SNUPN: variants seen among roughly 807,000 people sequenced by gnomAD.
The protein encoded by SNUPN is snurportin-1.
A neutral mutation model predicts 39.2 loss-of-function variants in SNUPN; 31 were observed. The observed-to-expected ratio is 0.79, with a 90% confidence interval of 0.59 to 1.07. SNUPN has a LOEUF of 1.07. SNUPN is among the 50% of genes least tolerant of loss of function. The probability of loss-of-function intolerance (pLI) is 0.00; values close to 1 mark genes in which losing one functional copy is unlikely to be tolerated. For missense variants in SNUPN, 382 were observed against 434.2 expected, an observed-to-expected ratio of 0.88 and a Z score of 1.07; for synonymous variants, 132 against 159.0, an observed-to-expected ratio of 0.83 and a Z score of 1.28.
At chr15:75,606,854 T>C (rs2075334763) in intron 6 of SNUPN, among the ~76,000 whole-genome samples, 1 of 152,094 alleles carries the variant, frequency 6.6e-6, no homozygotes, top group Admixed American at 6.5e-5. Context: ...CTGGGGCTGC[T>C]GCACAAGGTG....
At chr15:75,601,794 G>A (rs2075289572) in intron 7 of SNUPN, among the ~76,000 whole-genome samples, 1 of 151,982 alleles carries the variant, frequency 6.6e-6, no homozygotes, top group South Asian at 2.1e-4. Flanking sequence ...AAAAAACAAA[G>A]AAGAAAAGTT....
At chr15:75,621,950 C>T (rs1334712976) in intron 1 of SNUPN, among the ~76,000 whole-genome samples, 3 of 152,156 alleles carry the variant, frequency 2.0e-5, no homozygotes, top group Admixed American at 1.3e-4. Flanking sequence ...GCAGAAGAAT[C>T]GCTTGAACCT....
At position 75,605,283 on chromosome 15, in the gene SNUPN, A is replaced by G. The variant is rs953889996; in HGVS notation, c.601-56T>C. ...AATACTTTCCATTTCAAACTCTAAT[A>G]TAAACAAAAACACCCCATGCTATTT... On this transcript the variant is annotated intron_variant, in intron 6 of 8. Coordinates refer to ENST00000308588, the MANE Select transcript of SNUPN (RefSeq NM_005701.4). 6 of 1,282,088 alleles carry G rather than the reference A, an allele frequency of 4.7e-6. No homozygotes were observed. In the Admixed American group the frequency reaches 5.9e-5, roughly 13 times the overall value. The allele number at this position is 1,282,088 out of a possible 1,614,324, so 79.4% of individuals were successfully genotyped here.
At chr15:75,623,606 G>A (rs1422798357) in intron 1 of SNUPN, among the ~76,000 whole-genome samples, 2 of 151,770 alleles carry the variant, frequency 1.3e-5, no homozygotes, top group African/African-American at 2.4e-5. Flanking sequence ...CACCATGCTC[G>A]GCTAATTTTT....
chr15:75,616,319 G>A (rs1457882057), intron 3 of SNUPN, among the ~76,000 whole-genome samples: 1 of 151,936 alleles, frequency 6.6e-6, no homozygotes, highest in Non-Finnish European at 1.5e-5. Context: ...TTAGCCGGGT[G>A]TGGTGGCAGG....
At chr15:75,613,743 C>T (rs1195445531) in intron 3 of SNUPN, among the ~76,000 whole-genome samples, 1 of 151,916 alleles carries the variant, frequency 6.6e-6, no homozygotes, top group Non-Finnish European at 1.5e-5. Context: ...CCACTTCACA[C>T]CCACTAGGAT....
chr15:75,617,276 G>A, intron 3 of SNUPN, 132 bp downstream of exon 3: 1 of 911,966 alleles, frequency 1.1e-6, no homozygotes, highest in Non-Finnish European at 1.7e-6. Context: ...ACACTGGCAT[G>A]TTCTTTGCAG....
rs775591507 is a variant in SNUPN at position 75,617,502 on chromosome 15, C to T, written c.209G>A (p.Trp70Ter). The T allele has an allele frequency of 8.7e-6, 14 of 1,614,056 alleles. No individual in the cohort carries two copies. The highest frequency in any genetic ancestry group is 1.2e-5 in the Non-Finnish European group (14 of 1,179,996). Residue 70 changes from tryptophan to a stop codon, truncating the protein, a stop_gained, in exon 3 of 9, where the codon TGG becomes TAG. Transcript: ENST00000308588. LOFTEE classifies it high-confidence loss of function. ...NHARRLAEDD[W>*]TGMESEEENK... ...TTCTTCCTCACTCTCCATCCCTGTC[C>T]AGTCATCTTCAGCCAGTCTTCTGGC...
At chr15:75,615,259 C>T (rs2141373604) in intron 3 of SNUPN, among the ~76,000 whole-genome samples, 1 of 152,190 alleles carries the variant, frequency 6.6e-6, no homozygotes, top group East Asian at 1.9e-4. Flanking sequence ...CTGGCCTTAG[C>T]CTCCCAAAGT....
chr15:75,612,314 T>C (rs1892804538), intron 3 of SNUPN, among the ~76,000 whole-genome samples: 1 of 152,166 alleles, frequency 6.6e-6, no homozygotes, highest in South Asian at 2.1e-4. Flanking sequence ...ATTACAGGTA[T>C]GAGCCACTGT....
At chr15:75,604,627 A>G (rs1172538738) in intron 7 of SNUPN, among the ~76,000 whole-genome samples, 1 of 152,246 alleles carries the variant, frequency 6.6e-6, no homozygotes, top group East Asian at 1.9e-4. Flanking sequence ...TTTGGTTCTT[A>G]TAACAACCCT....
At chr15:75,617,831 C>CT (rs1892974740) in intron 2 of SNUPN, among the ~76,000 whole-genome samples, 1 of 152,178 alleles carries the variant, frequency 6.6e-6, no homozygotes, top group Non-Finnish European at 1.5e-5. Flanking sequence ...ATCTGCCTGC[C>CT]TCAGCCTCCC....
intron 7 of SNUPN, among the ~76,000 whole-genome samples, 182 bp from the exon 8 acceptor site, chr15:75,601,400 C>T (rs1175759374): frequency 6.6e-5 from 10 of 151,924 alleles, no homozygotes; most frequent in Non-Finnish European, 1.2e-4. Context: ...CATGGTGAAA[C>T]CCCGTCTGTA....
At chr15:75,602,359 C>A (rs1275526505) in intron 7 of SNUPN, among the ~76,000 whole-genome samples, 1 of 151,938 alleles carries the variant, frequency 6.6e-6, no homozygotes, top group African/African-American at 2.4e-5. Context: ...AACCCCGTCT[C>A]TACTAAAAAT....
At chr15:75,598,888 C>T (rs1771075861) in intron 8 of SNUPN, among the ~76,000 whole-genome samples, 1 of 152,022 alleles carries the variant, frequency 6.6e-6, no homozygotes, top group African/African-American at 2.4e-5. Context: ...AAAACATTGG[C>T]TGGGCGTGGT....
At chr15:75,622,301 G>T in intron 1 of SNUPN, 1 of 974,628 alleles carries the variant, frequency 1.0e-6, no homozygotes, top group Non-Finnish European at 1.2e-6. Context: ...GTTTTTGGGT[G>T]GGCAGAAAGA....
intron 7 of SNUPN, among the ~76,000 whole-genome samples, chr15:75,601,576 A>G (rs1214503640): frequency 6.6e-6 from 1 of 152,056 alleles, no homozygotes; most frequent in Non-Finnish European, 1.5e-5. Flanking sequence ...CTCCCTCTCA[A>G]AAAAAGCAAA....
At chr15:75,623,840 T>C (rs1160724151) in intron 1 of SNUPN, among the ~76,000 whole-genome samples, 1 of 152,210 alleles carries the variant, frequency 6.6e-6, no homozygotes, top group Non-Finnish European at 1.5e-5. Flanking sequence ...ATATGGTATG[T>C]TATTCAAATC....
intron 7 of SNUPN, among the ~76,000 whole-genome samples, chr15:75,604,324 CTAAT>C (rs971015368): frequency 1.3e-5 from 2 of 152,090 alleles, no homozygotes; most frequent in Non-Finnish European, 2.9e-5. Context: ...CTACACTTGG[CTAAT>C]TGTTTTTGTA....
Sources: gnomAD v4.1 joint callset for allele counts (sites outside exome capture counted in the v4.1 genomes callset) on GRCh38, gnomAD v4.1.1 for gene constraint, MANE v1.5 for transcripts, NCBI Gene and HGNC (gene_info 2026-07-23, HGNC 2026-07-21) for gene names.